Variants in FAM149B1 observed in about 807,000 individuals in gnomAD.
The protein encoded by FAM149B1 is primary cilium assembly protein FAM149B1.
In FAM149B1, 56 loss-of-function variants were observed where a neutral mutation model predicts 75.3. The observed-to-expected ratio is 0.74, with a 90% confidence interval of 0.60 to 0.93. The LOEUF (loss-of-function observed/expected upper bound fraction) is 0.93. Among genes scored for constraint, FAM149B1 ranks in the 40% least tolerant of loss-of-function variants. The pLI is 0.00. For synonymous variants in FAM149B1, 259 were observed against 256.1 expected (o/e 1.01, Z -0.11); for missense variants, 639 against 708.4 (o/e 0.90, Z 1.11).
intron 3 of FAM149B1, chr10:73,192,224 TTAG>T: frequency 6.9e-6 from 1 of 144,966 alleles, no homozygotes; most frequent in Non-Finnish European, 1.5e-5. Context: ...TTTTTTTTTT[TTAG>T]GCTAATCAAG....
chr10:73,215,517 C>A (rs1037062917), intron 7 of FAM149B1, among the ~76,000 whole-genome samples: 1 of 152,162 alleles, frequency 6.6e-6, no homozygotes, highest in Non-Finnish European at 1.5e-5. Context: ...ACACCATGCC[C>A]AGCCATCTTT....
In FAM149B1 at chr10:73,217,357, G is replaced by T. The variant is rs147480813; in HGVS notation, c.898+6919G>T. Among the ~76,000 whole-genome samples, 596 of 152,264 alleles carry T rather than the reference G, an allele frequency of 3.9e-3. 2 individuals carry two copies. Among genetic ancestry groups the T allele is most frequent in the African/African-American group, 0.013 (545 of 41,546 alleles). On this transcript the variant is annotated intron_variant, in intron 7 of 13. Coordinates refer to ENST00000242505, the MANE Select transcript of FAM149B1 (RefSeq NM_173348.2). Reference sequence around the variant, plus strand: ...GTTAGATACACATTTCACTTCTTAAGAATTGTTTATGTAGGTTTTCTGTGC... The same window carrying T: ...GTTAGATACACATTTCACTTCTTAATAATTGTTTATGTAGGTTTTCTGTGC...
chr10:73,205,708 T>C (rs11000546), intron 5 of FAM149B1, among the ~76,000 whole-genome samples: 23,396 of 151,936 alleles, frequency 0.15, 2,954 homozygotes, highest in African/African-American at 0.32. Flanking sequence ...TGTGCACCAC[T>C]GTGCCTGGCT....
In FAM149B1 at chr10:73,208,757, G is replaced by A. The variant is rs1469195427; in HGVS notation, c.681G>A (p.Glu227=). The change falls in exon 6 of 14, where the codon GAG becomes GAA. Residue 227 remains glutamate (E), a synonymous_variant. Coordinates refer to ENST00000242505, the MANE Select transcript of FAM149B1 (RefSeq NM_173348.2). ...DSIIVSEGII[E]EYLAFDHIDI... ...TAATCGTCTCAGAAGGAATAATTGA[G>A]GAATACCTAGCATTCGATCACATAG... 2 of 1,526,926 alleles carry A rather than the reference G, an allele frequency of 1.3e-6. No individual in the cohort carries two copies. The highest frequency in any genetic ancestry group is 2.8e-5 in the African/African-American group (2 of 72,450). The allele number at this position is 1,526,926 out of a possible 1,614,324, so 94.6% of individuals were successfully genotyped here. A position where few individuals can be genotyped will look rare whatever the true frequency, so the allele number is the denominator to read the frequency against.
At chr10:73,183,447 C>G (rs1426089702) in intron 3 of FAM149B1, 1 of 152,118 alleles carries the variant, frequency 6.6e-6, no homozygotes, top group African/African-American at 2.4e-5. Context: ...AGAGAAAGCT[C>G]TAGGCCCAGG....
intron 3 of FAM149B1, 65 bp from the exon 4 acceptor site, chr10:73,192,490 CT>C: frequency 6.9e-7 from 1 of 1,454,002 alleles, no homozygotes; most frequent in African/African-American, 1.4e-5. Flanking sequence ...TGCTTTTAAT[CT>C]TTATAATTTT....
intron 8 of FAM149B1, chr10:73,230,156 G>C (rs2043651407): frequency 5.8e-6 from 2 of 344,230 alleles, no homozygotes; most frequent in Admixed American, 3.9e-5. Flanking sequence ...CTCACTCCCT[G>C]TAAGAGGGCT....
intron 8 of FAM149B1, among the ~76,000 whole-genome samples, chr10:73,229,696 T>C (rs2043640153): frequency 6.6e-6 from 1 of 152,196 alleles, no homozygotes; most frequent in Non-Finnish European, 1.5e-5. Context: ...GTGGCCGTGG[T>C]TTAGTGACCT....
intron 7 of FAM149B1, among the ~76,000 whole-genome samples, chr10:73,212,507 C>T (rs944704394): frequency 3.3e-5 from 5 of 152,300 alleles, no homozygotes; most frequent in East Asian, 3.9e-4. Flanking sequence ...AACTCCTCAC[C>T]TCAGGTGATC....
chr10:73,193,416 T>A, intron 4 of FAM149B1, 61 bp from the exon 5 acceptor site: 1 of 1,503,232 alleles, frequency 6.7e-7, no homozygotes. Context: ...AAAATATATC[T>A]AGATTTTGTA....
chr10:73,175,772 A>G (rs1198697962), intron 2 of FAM149B1, among the ~76,000 whole-genome samples: 2 of 152,158 alleles, frequency 1.3e-5, no homozygotes, highest in Admixed American at 1.3e-4. Context: ...ATAAATAAAA[A>G]AGAACATGGA....
At chr10:73,211,563 G>C (rs2043186473) in intron 7 of FAM149B1, among the ~76,000 whole-genome samples, 1 of 152,154 alleles carries the variant, frequency 6.6e-6, no homozygotes. Flanking sequence ...ACTTATGTTT[G>C]TATTTCCCAC....
At chr10:73,232,755 A>G (rs983749873) in intron 9 of FAM149B1, among the ~76,000 whole-genome samples, 184 bp from the exon 10 acceptor site, 1 of 152,232 alleles carries the variant, frequency 6.6e-6, no homozygotes, top group Non-Finnish European at 1.5e-5. Flanking sequence ...CACTTTTAAG[A>G]ACAGATTCTC....
chr10:73,169,708 C>G (rs1160800932), intron 1 of FAM149B1, among the ~76,000 whole-genome samples: 3 of 152,184 alleles, frequency 2.0e-5, no homozygotes, highest in African/African-American at 7.2e-5. Flanking sequence ...AAGCGGTTCT[C>G]CCACTTTGGC....
chr10:73,205,692 T>C (rs1330787507), intron 5 of FAM149B1, among the ~76,000 whole-genome samples: 1 of 152,166 alleles, frequency 6.6e-6, no homozygotes, highest in African/African-American at 2.4e-5. Flanking sequence ...TAGCTGGGAC[T>C]ACAGGTGTGC....
chr10:73,230,246 T>A (rs1323929940), intron 8 of FAM149B1, 176 bp from the exon 9 acceptor site: 1 of 529,044 alleles, frequency 1.9e-6, no homozygotes, highest in African/African-American at 1.9e-5. Context: ...AGGGACCCTA[T>A]CACATGGACA....
chr10:73,173,038 G>A (rs907135940), intron 1 of FAM149B1, among the ~76,000 whole-genome samples: 3 of 152,058 alleles, frequency 2.0e-5, no homozygotes, highest in African/African-American at 7.2e-5. Context: ...AGAATCCCTT[G>A]AGCCCAGGAG....
chr10:73,175,024 GC>G (rs1259209983), intron 2 of FAM149B1, among the ~76,000 whole-genome samples: 1 of 151,908 alleles, frequency 6.6e-6, no homozygotes, highest in African/African-American at 2.4e-5. Flanking sequence ...CGGATAATCT[GC>G]CATGGGATTA....
rs142931634 is a variant in FAM149B1 at position 73,194,362 on chromosome 10, G to C, written c.542+769G>C. ...AAGAAAAAGACTTTAAAACTTTTTTGAAAAAAAAGTTGAAAAAGTGATTTA... is the reference window on the plus strand; with the variant it reads ...AAGAAAAAGACTTTAAAACTTTTTTCAAAAAAAAGTTGAAAAAGTGATTTA... On this transcript the variant is annotated intron_variant, in intron 5 of 13. Coordinates refer to ENST00000242505, the MANE Select transcript of FAM149B1 (RefSeq NM_173348.2). 9.9e-5 allele frequency among the ~76,000 whole-genome samples: 15 copies of C among 151,396 alleles called. No individual in the cohort carries two copies. The East Asian group carries it at 1.5e-3, about 16-fold the overall frequency.
Sources: allele counts gnomAD v4.1 joint callset (sites outside exome capture counted in the v4.1 genomes callset), GRCh38; gene constraint gnomAD v4.1.1; transcripts MANE v1.5; gene names NCBI Gene and HGNC (gene_info 2026-07-23, HGNC 2026-07-21).